The following SH3RF3 variants were observed in gnomAD, a reference collection of about 807,000 sequenced individuals.
SH3RF3 encodes the protein E3 ubiquitin-protein ligase SH3RF3.
A neutral mutation model predicts 66.3 loss-of-function variants in SH3RF3; 29 were observed. The ratio of observed to expected loss-of-function variants is 0.44; its 90% CI spans 0.33 to 0.60. SH3RF3 has a LOEUF of 0.60. Among genes scored for constraint, SH3RF3 ranks in the 20% least tolerant of loss-of-function variants. The probability of loss-of-function intolerance (pLI) is 0.04; values close to 1 mark genes in which losing one functional copy is unlikely to be tolerated. For missense variants in SH3RF3, 1,194 were observed against 1,190.9 expected (o/e 1.00, Z -0.04); for synonymous variants, 583 against 532.0 (o/e 1.10, Z -1.32).
intron 1 of SH3RF3, among the ~76,000 whole-genome samples, chr2:109,213,898 C>A (rs749488714): frequency 6.6e-6 from 1 of 152,254 alleles, no homozygotes; most frequent in East Asian, 1.9e-4. Context: ...CAAAGCCTCC[C>A]GGGACACTGG....
At position 109,408,094 on chromosome 2, in the gene SH3RF3, G is replaced by T. The variant is rs11891448; in HGVS notation, c.1299+9151G>T. 5.9e-3 allele frequency among the ~76,000 whole-genome samples: 901 copies of T among 152,274 alleles called. 11 individuals carry two copies. The highest frequency in any genetic ancestry group is 0.02 in the African/African-American group (845 of 41,536). On this transcript the variant is annotated intron_variant, in intron 4 of 9. Transcript: ENST00000309415. ...GCTCTGGGTGGGCACTTGCTGGCTA[G>T]CAGCACAGAAGAGTCACTCCCTTGT...
intron 2 of SH3RF3, among the ~76,000 whole-genome samples, chr2:109,371,133 A>C (rs1192921184): frequency 6.6e-6 from 1 of 152,226 alleles, no homozygotes; most frequent in African/African-American, 2.4e-5. Flanking sequence ...TCACACCTGT[A>C]ATCCCAGCAC....
At chr2:109,301,240 C>T (rs1399074865) in intron 1 of SH3RF3, among the ~76,000 whole-genome samples, 9 of 151,750 alleles carry the variant, frequency 5.9e-5, no homozygotes, top group Non-Finnish European at 1.3e-4. Context: ...CTCTGTGCAC[C>T]GGGACTCAGA....
chr2:109,141,501 C>T (rs1293703157), intron 1 of SH3RF3: 2 of 155,018 alleles, frequency 1.3e-5, no homozygotes, highest in Non-Finnish European at 2.9e-5. Context: ...CAGGCCCAGC[C>T]CAGAGCTGAG....
intron 2 of SH3RF3, among the ~76,000 whole-genome samples, chr2:109,369,789 G>C (rs1049705537): frequency 1.3e-5 from 2 of 152,106 alleles, no homozygotes; most frequent in African/African-American, 4.8e-5. Context: ...AAACCCTACG[G>C]CCCCCTCCGC....
At position 109,226,506 on chromosome 2, in the gene SH3RF3, G is replaced by A. The variant is rs570061747; in HGVS notation, c.573+96393G>A. On this transcript the variant is annotated intron_variant, in intron 1 of 9. Transcript: ENST00000309415. ...TTAAGACATAAACCAAAAATAAACT[G>A]TAGCAACCACTTCTTTTTAAGTCCC... Among the ~76,000 whole-genome samples, 6 of 152,260 alleles carry A rather than the reference G, an allele frequency of 3.9e-5. No homozygotes were observed. The South Asian group carries it at 1.0e-3, about 26-fold the overall frequency.
chr2:109,288,381 T>C (rs1357477959), intron 1 of SH3RF3, among the ~76,000 whole-genome samples: 3 of 152,214 alleles, frequency 2.0e-5, no homozygotes, highest in Non-Finnish European at 4.4e-5. Flanking sequence ...GGTATTCTCA[T>C]CTAAAGACCA....
intron 1 of SH3RF3, among the ~76,000 whole-genome samples, chr2:109,179,931 A>G (rs1678036645): frequency 1.3e-5 from 2 of 149,230 alleles, no homozygotes; most frequent in Admixed American, 6.8e-5. Flanking sequence ...AACTAGGGCT[A>G]TTAAACAAGA....
At chr2:109,304,880 TG>T (rs1681555254) in intron 1 of SH3RF3, among the ~76,000 whole-genome samples, 1 of 152,132 alleles carries the variant, frequency 6.6e-6, no homozygotes, top group South Asian at 2.1e-4. Context: ...TTAGAAGACA[TG>T]GGGTGACGCT....
chr2:109,305,440 C>G (rs1467045352), intron 1 of SH3RF3, among the ~76,000 whole-genome samples: 1 of 152,160 alleles, frequency 6.6e-6, no homozygotes, highest in Non-Finnish European at 1.5e-5. Flanking sequence ...ATTTCCCTGT[C>G]TCCAGCCCAG....
chr2:109,265,253 A>C (rs1322366992), intron 1 of SH3RF3, among the ~76,000 whole-genome samples: 1 of 152,208 alleles, frequency 6.6e-6, no homozygotes, highest in Non-Finnish European at 1.5e-5. Context: ...AGGCAGGACA[A>C]GGCCAGGGGA....
Position 109,184,790 on chromosome 2 carries a change from A to G in SH3RF3, c.573+54677A>G, listed in dbSNP as rs140197752. Among the ~76,000 whole-genome samples the G allele has an allele frequency of 3.3e-3, 501 of 152,342 alleles. 3 individuals carry two copies. Among genetic ancestry groups the G allele is most frequent in the African/African-American group, 0.011 (464 of 41,564 alleles). On this transcript the variant is annotated intron_variant, in intron 1 of 9. Coordinates refer to ENST00000309415, the MANE Select transcript of SH3RF3 (RefSeq NM_001099289.3). ...TTTGCAGAGTTCAGGGAGTTGTGCCACATACAAGAAAGTATTTGCCAAGCC... is the reference window on the plus strand; with the variant it reads ...TTTGCAGAGTTCAGGGAGTTGTGCCGCATACAAGAAAGTATTTGCCAAGCC...
intron 1 of SH3RF3, among the ~76,000 whole-genome samples, chr2:109,145,870 T>G (rs1448723128): frequency 6.6e-6 from 1 of 152,070 alleles, no homozygotes; most frequent in Non-Finnish European, 1.5e-5. Context: ...GCCGCAGAGC[T>G]GGGGAGGCTG....
At chr2:109,344,655 A>T (rs921140572) in intron 1 of SH3RF3, among the ~76,000 whole-genome samples, 1 of 152,186 alleles carries the variant, frequency 6.6e-6, no homozygotes, top group African/African-American at 2.4e-5. Flanking sequence ...AGGAGAGATG[A>T]CAGGCAAGGC....
chr2:109,347,958 AGCCCCGGGGTGG>A lies in SH3RF3; in HGVS notation c.849+16_849+27del. ...GTCTGACCTTCACCAAGGTAAGGTG[AGCCCCGGGGTGG>A]GCCCCGCCAGCCCATGCAGCCTCTG... On this transcript the variant is annotated intron_variant, in intron 2 of 9. Coordinates refer to ENST00000309415, the MANE Select transcript of SH3RF3 (RefSeq NM_001099289.3). The A allele has an allele frequency of 3.1e-6, 5 of 1,590,676 alleles. No homozygotes were observed. Among genetic ancestry groups the A allele is most frequent in the Non-Finnish European group, 4.3e-6 (5 of 1,168,844 alleles).
chr2:109,277,514 G>T (rs376812981), intron 1 of SH3RF3, among the ~76,000 whole-genome samples: 60 of 152,312 alleles, frequency 3.9e-4, no homozygotes, highest in African/African-American at 1.3e-3. Context: ...CGAGCAGTCC[G>T]TGGAATACCA....
chr2:109,387,009 T>C (rs1675840360), intron 3 of SH3RF3, among the ~76,000 whole-genome samples: 1 of 152,096 alleles, frequency 6.6e-6, no homozygotes, highest in African/African-American at 2.4e-5. Context: ...TTGCTCAAAA[T>C]AAGAAAATTC....
At chr2:109,186,117 C>G (rs1478145364) in intron 1 of SH3RF3, among the ~76,000 whole-genome samples, 2 of 152,256 alleles carry the variant, frequency 1.3e-5, no homozygotes, top group Non-Finnish European at 1.5e-5. Flanking sequence ...AGGGCAGGCC[C>G]TGTCTCTGTG....
intron 1 of SH3RF3, among the ~76,000 whole-genome samples, chr2:109,199,013 C>CGTGGTG (rs1678573957): frequency 6.6e-6 from 1 of 152,094 alleles, no homozygotes; most frequent in African/African-American, 2.4e-5. Flanking sequence ...ACTGTATTTA[C>CGTGGTG]ATGGTGGCCT....
Sources: allele counts gnomAD v4.1 joint callset (sites outside exome capture counted in the v4.1 genomes callset), GRCh38; gene constraint gnomAD v4.1.1; transcripts MANE v1.5; gene names NCBI Gene and HGNC (gene_info 2026-07-23, HGNC 2026-07-21).